SPECC1L: variants seen among roughly 807,000 people sequenced by gnomAD.
SPECC1L encodes the protein sperm antigen with calponin homology and coiled-coil domains 1 like.
Under a neutral mutation model 116.8 loss-of-function variants are expected in SPECC1L, and 40 were observed. The observed-to-expected ratio is 0.34, with a 90% confidence interval of 0.27 to 0.45. SPECC1L has a LOEUF of 0.45. SPECC1L is among the 20% of genes least tolerant of loss of function. SPECC1L has a pLI of 1.00. For synonymous variants in SPECC1L, 504 were observed against 500.6 expected, an observed-to-expected ratio of 1.01 and a Z score of -0.09; for missense variants, 1,110 against 1,373.6, an observed-to-expected ratio of 0.81 and a Z score of 3.03.
intron 2 of SPECC1L, among the ~76,000 whole-genome samples, chr22:24,299,896 C>T (rs2049342425): frequency 6.6e-6 from 1 of 152,160 alleles, no homozygotes; most frequent in Admixed American, 6.5e-5. Flanking sequence ...ATACTCCCTA[C>T]CCCAACCCCT....
intron 14 of SPECC1L, among the ~76,000 whole-genome samples, chr22:24,375,446 G>A (rs1050936159): frequency 6.6e-6 from 1 of 152,082 alleles, no homozygotes; most frequent in East Asian, 1.9e-4. Context: ...TATACACCCT[G>A]ACCAAGTGTT....
intron 3 of SPECC1L, among the ~76,000 whole-genome samples, chr22:24,304,682 A>G (rs913892985): frequency 1.3e-5 from 2 of 152,234 alleles, no homozygotes; most frequent in Admixed American, 6.5e-5. Flanking sequence ...AATTTTTTCT[A>G]AAAATTACAG....
chr22:24,399,308 C>T (rs893211960), intron 14 of SPECC1L, among the ~76,000 whole-genome samples: 7 of 152,214 alleles, frequency 4.6e-5, no homozygotes, highest in Admixed American at 2.6e-4. Context: ...TGGTGGCTCA[C>T]GCCTGTAATC....
chr22:24,404,557 A>G (rs2042549209), intron 14 of SPECC1L, among the ~76,000 whole-genome samples: 3 of 152,218 alleles, frequency 2.0e-5, no homozygotes, highest in South Asian at 2.1e-4. Flanking sequence ...TGCCAAGTCT[A>G]GTCTGCTTTA....
At chr22:24,304,097 T>G (rs2049441279) in intron 3 of SPECC1L, among the ~76,000 whole-genome samples, 1 of 152,148 alleles carries the variant, frequency 6.6e-6, no homozygotes, top group African/African-American at 2.4e-5. Context: ...CTAACTTTTT[T>G]TTTTCCTGTG....
chr22:24,344,913 T>G (rs1213835218), intron 10 of SPECC1L, among the ~76,000 whole-genome samples: 4 of 152,236 alleles, frequency 2.6e-5, no homozygotes, highest in Non-Finnish European at 1.5e-5. Context: ...ATTTATAGAT[T>G]GGAAGACTCA....
chr22:24,313,492 T>C, intron 4 of SPECC1L, 26 bp downstream of exon 4: 1 of 1,612,974 alleles, frequency 6.2e-7, no homozygotes, highest in Non-Finnish European at 8.5e-7. Context: ...AGTCTGAGAC[T>C]TCAACTGCTT....
chr22:24,317,191 A>T (rs2040597565), intron 4 of SPECC1L, among the ~76,000 whole-genome samples: 2 of 81,128 alleles, frequency 2.5e-5, no homozygotes, highest in Non-Finnish European at 4.9e-5. Context: ...GGGGCTCCTC[A>T]CTTCCCAGTA....
intron 14 of SPECC1L, among the ~76,000 whole-genome samples, chr22:24,381,202 C>A (rs1167777686): frequency 6.6e-6 from 1 of 152,192 alleles, no homozygotes; most frequent in Non-Finnish European, 1.5e-5. Flanking sequence ...AAAACCCTAA[C>A]TGAATGTAAT....
chr22:24,288,069 AT>A (rs1331281408), intron 2 of SPECC1L, among the ~76,000 whole-genome samples: 1 of 151,980 alleles, frequency 6.6e-6, no homozygotes, highest in Admixed American at 6.6e-5. Context: ...CTGTGCATAG[AT>A]TTTCCCTTCT....
chr22:24,305,854 G>A (rs2049483556), intron 3 of SPECC1L, among the ~76,000 whole-genome samples: 1 of 151,670 alleles, frequency 6.6e-6, no homozygotes. Context: ...ACTCACGGAT[G>A]TATAAAGGAA....
At chr22:24,406,922 G>A (rs959810047) in intron 14 of SPECC1L, among the ~76,000 whole-genome samples, 5 of 152,190 alleles carry the variant, frequency 3.3e-5, no homozygotes, top group African/African-American at 9.6e-5. Flanking sequence ...AGCCAGTGAC[G>A]TTGGGAGCAG....
At chr22:24,339,209 G>T (rs542282790) in intron 10 of SPECC1L, among the ~76,000 whole-genome samples, 1 of 152,124 alleles carries the variant, frequency 6.6e-6, no homozygotes, top group South Asian at 2.1e-4. Context: ...GTTATCTCCA[G>T]CTCCAAGAGA....
chr22:24,325,011 C>T (rs767987196), intron 6 of SPECC1L, among the ~76,000 whole-genome samples: 2 of 151,814 alleles, frequency 1.3e-5, no homozygotes, highest in Non-Finnish European at 2.9e-5. Flanking sequence ...AGTTATGAAC[C>T]CATTATTAAA....
chr22:24,309,908 A>G (rs772310481), intron 3 of SPECC1L, among the ~76,000 whole-genome samples: 4 of 152,198 alleles, frequency 2.6e-5, no homozygotes, highest in Non-Finnish European at 4.4e-5. Context: ...AAACACTAAC[A>G]TGGCTCCACG....
At chr22:24,399,297 A>G (rs141145665) in intron 14 of SPECC1L, among the ~76,000 whole-genome samples, 1,808 of 152,320 alleles carry the variant, frequency 0.012, 38 homozygotes, top group African/African-American at 0.041. Context: ...AGCGCCGGGC[A>G]TGGTGGCTCA....
In SPECC1L at chr22:24,344,607, A is replaced by G. The variant is rs574494004; in HGVS notation, c.2653-2479A>G. Among the ~76,000 whole-genome samples the G allele has an allele frequency of 5.6e-3, 783 of 139,698 alleles. 4 individuals are homozygous for G. Among genetic ancestry groups the G allele is most frequent in the Non-Finnish European group, 8.7e-3 (589 of 67,758 alleles). The allele number at this position is 139,698 out of a possible 152,430, so 91.6% of individuals were successfully genotyped here. A position where few individuals can be genotyped will look rare whatever the true frequency, so the allele number is the denominator to read the frequency against. ...TGCATAAGACCAAAAAAAAAAAAAAAAAAGAAAGAAAAGCATACAAGTTTG... is the reference window on the plus strand; with the variant it reads ...TGCATAAGACCAAAAAAAAAAAAAAGAAAGAAAGAAAAGCATACAAGTTTG... On this transcript the variant is annotated intron_variant, in intron 10 of 16. Transcript: ENST00000314328.
intron 14 of SPECC1L, among the ~76,000 whole-genome samples, chr22:24,384,016 C>T (rs980357097): frequency 6.6e-6 from 1 of 151,372 alleles, no homozygotes; most frequent in African/African-American, 2.4e-5. Flanking sequence ...ATATGTGTTT[C>T]ACAACCACTG....
In SPECC1L at chr22:24,302,249, G is replaced by T. The variant is rs746783142; in HGVS notation, c.18G>T (p.Arg6Ser). 1.9e-6 allele frequency: 3 copies of T among 1,614,116 alleles called. No homozygotes were observed. Among genetic ancestry groups the T allele is most frequent in the Non-Finnish European group, 2.5e-6 (3 of 1,180,014 alleles). Residue 6 changes from arginine (R) to serine (S), a missense_variant, in exon 3 of 17, where the codon AGG becomes AGT. By Grantham distance (110) the Arg-to-Ser change is moderately radical. Transcript: ENST00000314328. ...AGCCCAGAATGAAGAAAGCAAGCAG[G>T]AGTGTTGGCTCAGTGCCTAAAGTGT... MKKASRSVGSVPKVSA... is the reference protein window; with the variant it reads MKKASSSVGSVPKVSA...
Sources: allele counts gnomAD v4.1 joint callset (sites outside exome capture counted in the v4.1 genomes callset), GRCh38; gene constraint gnomAD v4.1.1; transcripts MANE v1.5; gene names NCBI Gene and HGNC (gene_info 2026-07-23, HGNC 2026-07-21).